ADCY2: variants seen among roughly 807,000 people sequenced by gnomAD.
ADCY2 encodes the protein adenylate cyclase type 2.
Under a neutral mutation model 125.2 loss-of-function variants are expected in ADCY2, and 31 were observed. That is an observed-to-expected ratio of 0.25 (90% CI 0.19 to 0.33). The LOEUF (loss-of-function observed/expected upper bound fraction) is 0.33, where lower values mean the gene tolerates loss of function less well. Among genes scored for constraint, ADCY2 ranks in the 10% least tolerant of loss-of-function variants. ADCY2 has a pLI of 1.00. For missense variants in ADCY2, 904 were observed against 1,418.2 expected (o/e 0.64, Z 5.82); for synonymous variants, 512 against 548.4 (o/e 0.93, Z 0.93).
chr5:7,590,021 A>G (rs1401215279), intron 3 of ADCY2, among the ~76,000 whole-genome samples: 1 of 152,150 alleles, frequency 6.6e-6, no homozygotes, highest in African/African-American at 2.4e-5. Context: ...TGTGGCCAAC[A>G]CTGGTACGTC....
intron 16 of ADCY2, among the ~76,000 whole-genome samples, chr5:7,762,212 C>T (rs536265749): frequency 3.9e-5 from 6 of 152,334 alleles, no homozygotes; most frequent in Admixed American, 3.3e-4. Context: ...ATGAACCACA[C>T]GGGTGCTCCT....
At chr5:7,547,502 G>A (rs1473411939) in intron 3 of ADCY2, among the ~76,000 whole-genome samples, 1 of 152,140 alleles carries the variant, frequency 6.6e-6, no homozygotes, top group Non-Finnish European at 1.5e-5. Context: ...GCGTGTCCGG[G>A]GAGACCAGGA....
At chr5:7,714,853 C>T (rs1310767747) in intron 11 of ADCY2, among the ~76,000 whole-genome samples, 1 of 152,254 alleles carries the variant, frequency 6.6e-6, no homozygotes, top group Non-Finnish European at 1.5e-5. Context: ...GGCCCACACA[C>T]TCCTGTCACA....
intron 3 of ADCY2, among the ~76,000 whole-genome samples, chr5:7,573,143 T>C (rs1208059980): frequency 2.6e-5 from 4 of 152,200 alleles, no homozygotes; most frequent in African/African-American, 7.2e-5. Flanking sequence ...TGTGGACTTC[T>C]AGCCTTGAAA....
intron 2 of ADCY2, among the ~76,000 whole-genome samples, chr5:7,483,428 A>AAT (rs112780337): frequency 6.6e-6 from 1 of 151,642 alleles, no homozygotes; most frequent in African/African-American, 2.4e-5. Context: ...AAAAAAAAAA[A>AAT]GCATTTCATC....
chr5:7,692,417 G>A (rs1740732624), intron 5 of ADCY2: 1 of 152,144 alleles, frequency 6.6e-6, no homozygotes. Flanking sequence ...GGCAACTAAG[G>A]AAGCACGACT....
intron 22 of ADCY2, among the ~76,000 whole-genome samples, chr5:7,813,346 C>T (rs1263717710): frequency 6.6e-6 from 1 of 152,092 alleles, no homozygotes; most frequent in East Asian, 1.9e-4. Context: ...TTTATTTTAG[C>T]CTAAAAAATT....
intron 17 of ADCY2, among the ~76,000 whole-genome samples, chr5:7,770,424 TTAA>T (rs1281054594): frequency 6.6e-6 from 1 of 152,208 alleles, no homozygotes; most frequent in Non-Finnish European, 1.5e-5. Flanking sequence ...GTTGATAACT[TTAA>T]TTATAACAGT....
chr5:7,518,292 T>C (rs931037936), intron 2 of ADCY2, among the ~76,000 whole-genome samples: 1 of 152,122 alleles, frequency 6.6e-6, no homozygotes, highest in African/African-American at 2.4e-5. Flanking sequence ...CTTGGGAAGA[T>C]GAAGTGAGGG....
At chr5:7,518,228 C>G (rs549557284) in intron 2 of ADCY2, among the ~76,000 whole-genome samples, 149 of 152,242 alleles carry the variant, frequency 9.8e-4, no homozygotes, top group African/African-American at 3.5e-3. Flanking sequence ...CTGGTGGTAG[C>G]TCTTAGTGGC....
At chr5:7,678,082 A>G (rs994335009) in intron 4 of ADCY2, among the ~76,000 whole-genome samples, 13 of 152,234 alleles carry the variant, frequency 8.5e-5, no homozygotes, top group African/African-American at 2.7e-4. Flanking sequence ...ATTCAAATTA[A>G]TCAATAAATA....
At chr5:7,721,759 C>G (rs1050069623) in intron 12 of ADCY2, among the ~76,000 whole-genome samples, 5 of 152,126 alleles carry the variant, frequency 3.3e-5, no homozygotes, top group African/African-American at 1.2e-4. Context: ...GTCTATATCT[C>G]TGTTTTGGAC....
intron 2 of ADCY2, among the ~76,000 whole-genome samples, chr5:7,461,934 C>G (rs1340616161): frequency 6.6e-6 from 1 of 152,184 alleles, no homozygotes; most frequent in Admixed American, 6.5e-5. Context: ...CCTATCATTC[C>G]TGAGAGTTTG....
intron 2 of ADCY2, among the ~76,000 whole-genome samples, chr5:7,415,082 A>G (rs555253265): frequency 6.6e-6 from 1 of 152,330 alleles, no homozygotes; most frequent in East Asian, 1.9e-4. Flanking sequence ...TGTTTAATAT[A>G]AAATTAAATC....
At chr5:7,573,376 G>T (rs1417823617) in intron 3 of ADCY2, among the ~76,000 whole-genome samples, 1 of 152,122 alleles carries the variant, frequency 6.6e-6, no homozygotes, top group Non-Finnish European at 1.5e-5. Context: ...AGGATTGAAG[G>T]TGTTTTCCGT....
At chr5:7,565,145 A>G (rs904985244) in intron 3 of ADCY2, among the ~76,000 whole-genome samples, 3 of 152,348 alleles carry the variant, frequency 2.0e-5, no homozygotes, top group Admixed American at 2.0e-4. Context: ...CCCAGCTCAC[A>G]TGCTGGACTA....
intron 19 of ADCY2, among the ~76,000 whole-genome samples, chr5:7,789,185 T>C (rs1051264997): frequency 6.6e-6 from 1 of 152,348 alleles, no homozygotes; most frequent in Admixed American, 6.5e-5. Flanking sequence ...ATACAATTTG[T>C]GTTAGGGAAA....
chr5:7,726,228 T>A (rs959666968), intron 13 of ADCY2, among the ~76,000 whole-genome samples: 9 of 152,222 alleles, frequency 5.9e-5, no homozygotes, highest in African/African-American at 9.7e-5. Context: ...AATTTTACCA[T>A]ACAACCTTTC....
At chr5:7,723,192 C>T (rs754456614) in intron 12 of ADCY2, among the ~76,000 whole-genome samples, 10 of 151,964 alleles carry the variant, frequency 6.6e-5, no homozygotes, top group Admixed American at 4.6e-4. Context: ...AATAACTAAT[C>T]GGTACTAGGC....
Sources: gnomAD v4.1 joint callset for allele counts (sites outside exome capture counted in the v4.1 genomes callset) on GRCh38, gnomAD v4.1.1 for gene constraint, MANE v1.5 for transcripts, NCBI Gene and HGNC (gene_info 2026-07-23, HGNC 2026-07-21) for gene names.